DACH2: variants seen among roughly 807,000 people sequenced by gnomAD.
DACH2 encodes the protein dachshund homolog 2.
In DACH2, 17 loss-of-function variants were observed where a neutral mutation model predicts 35.8. That is an observed-to-expected ratio of 0.48 (90% CI 0.33 to 0.71). The LOEUF (loss-of-function observed/expected upper bound fraction) is 0.71. Among genes scored for constraint, DACH2 ranks in the 30% least tolerant of loss-of-function variants. The probability of loss-of-function intolerance (pLI) is 0.02; values close to 1 mark genes in which losing one functional copy is unlikely to be tolerated. For missense variants in DACH2, 469 were observed against 472.7 expected, an observed-to-expected ratio of 0.99 and a Z score of 0.07; for synonymous variants, 195 against 177.3, an observed-to-expected ratio of 1.10 and a Z score of -0.79.
At chrX:86,663,048 A>G (rs1229724917) in intron 4 of DACH2, among the ~76,000 whole-genome samples, 1 of 112,054 alleles carries the variant, frequency 8.9e-6, no homozygotes, top group Non-Finnish European at 1.9e-5. Flanking sequence ...TAAAAAATAG[A>G]ACACAATTAT....
intron 4 of DACH2, among the ~76,000 whole-genome samples, chrX:86,685,313 T>C (rs967052451): frequency 8.9e-6 from 1 of 112,086 alleles, no homozygotes; most frequent in Admixed American, 9.5e-5. Flanking sequence ...CTTTTTTTCC[T>C]CTGGATTCCT....
chrX:86,813,339 G>A, intron 9 of DACH2, 62 bp downstream of exon 9: 1 of 1,019,073 alleles, frequency 9.8e-7, no homozygotes, highest in Non-Finnish European at 1.3e-6. Flanking sequence ...CAATACTAAT[G>A]GAAATATTCT....
At chrX:86,662,225 C>G (rs1046374788) in intron 4 of DACH2, among the ~76,000 whole-genome samples, 1 of 111,333 alleles carries the variant, frequency 9.0e-6, no homozygotes, top group Admixed American at 9.6e-5. Context: ...TGGGGTAAGA[C>G]AGTTCAGATT....
At chrX:86,181,197 A>C (rs1162433651) in intron 1 of DACH2, among the ~76,000 whole-genome samples, 1 of 68,213 alleles carries the variant, frequency 1.5e-5, no homozygotes, top group Non-Finnish European at 2.9e-5. Context: ...TCTATTTTTC[A>C]AATTATACTT....
chrX:86,172,543 G>T (rs1348280606), intron 1 of DACH2, among the ~76,000 whole-genome samples: 1 of 111,974 alleles, frequency 8.9e-6, no homozygotes, highest in Non-Finnish European at 1.9e-5. Flanking sequence ...CAAGTAAAAT[G>T]AATTACCTGA....
intron 7 of DACH2, among the ~76,000 whole-genome samples, chrX:86,755,004 A>G (rs780845897): frequency 9.0e-6 from 1 of 111,721 alleles, no homozygotes; most frequent in South Asian, 3.7e-4. Context: ...AAATATCCAT[A>G]CTGTTTTCCA....
intron 4 of DACH2, among the ~76,000 whole-genome samples, chrX:86,684,218 C>G (rs1025727786): frequency 8.9e-6 from 1 of 111,809 alleles, no homozygotes; most frequent in Non-Finnish European, 1.9e-5. Context: ...ATTCTGTTGT[C>G]TAGAGACTGC....
intron 3 of DACH2, among the ~76,000 whole-genome samples, chrX:86,596,633 T>G (rs183268909): frequency 1.1e-4 from 12 of 111,752 alleles, no homozygotes; most frequent in African/African-American, 3.6e-4. Flanking sequence ...ATTTATCAGA[T>G]ACATAGTTTT....
At chrX:86,429,943 A>G (rs922261361) in intron 2 of DACH2, among the ~76,000 whole-genome samples, 2 of 112,197 alleles carry the variant, frequency 1.8e-5, no homozygotes, top group Non-Finnish European at 3.8e-5. Context: ...TACAAAGTGA[A>G]ATAACTTCTG....
At chrX:86,631,938 G>A (rs1324702219) in intron 3 of DACH2, among the ~76,000 whole-genome samples, 2 of 110,718 alleles carry the variant, frequency 1.8e-5, no homozygotes, top group African/African-American at 6.6e-5. Flanking sequence ...CTTTGTTTTA[G>A]AGCATGCATG....
intron 3 of DACH2, among the ~76,000 whole-genome samples, chrX:86,595,838 A>T (rs2039705001): frequency 9.1e-6 from 1 of 109,946 alleles, no homozygotes; most frequent in Non-Finnish European, 1.9e-5. Context: ...ACTCTCACTA[A>T]TATGTAGTTT....
intron 6 of DACH2, among the ~76,000 whole-genome samples, chrX:86,737,166 G>C (rs1378994897): frequency 8.9e-6 from 1 of 111,757 alleles, no homozygotes; most frequent in Non-Finnish European, 1.9e-5. Flanking sequence ...GGATATTGCT[G>C]TCAGTACCCA....
intron 7 of DACH2, among the ~76,000 whole-genome samples, chrX:86,741,757 C>T (rs1267758332): frequency 9.1e-6 from 1 of 110,483 alleles, no homozygotes. Context: ...AAGAAGGAGA[C>T]AAAAAGGGGA....
chrX:86,766,112 A>G (rs1045248746), intron 7 of DACH2, among the ~76,000 whole-genome samples: 56 of 110,752 alleles, frequency 5.1e-4, no homozygotes, highest in African/African-American at 1.8e-3. Context: ...CCAAGCCAAG[A>G]TGTACCCAGA....
chrX:86,453,421 C>T (rs55735099), intron 2 of DACH2, among the ~76,000 whole-genome samples: 4,096 of 111,455 alleles, frequency 0.037, 83 homozygotes, highest in East Asian at 0.22. Context: ...GTTTTAACTT[C>T]TTCCACTATT....
intron 3 of DACH2, among the ~76,000 whole-genome samples, chrX:86,556,024 T>G (rs2148316375): frequency 8.9e-6 from 1 of 111,902 alleles, no homozygotes; most frequent in South Asian, 3.7e-4. Flanking sequence ...AGCTATTTCA[T>G]CCCACAGACT....
intron 11 of DACH2, chrX:86,829,909 G>A (rs1309141301): frequency 9.0e-6 from 1 of 111,572 alleles, no homozygotes; most frequent in Non-Finnish European, 1.9e-5. Flanking sequence ...GAGAGACTTT[G>A]TTAGTTTCTC....
chrX:86,170,852 T>C (rs1334146885), intron 1 of DACH2, among the ~76,000 whole-genome samples: 1 of 112,352 alleles, frequency 8.9e-6, no homozygotes, highest in Admixed American at 9.4e-5. Flanking sequence ...TTCTACATTT[T>C]AGGGAGACGT....
chrX:86,319,062 A>G (rs2034968335), intron 1 of DACH2, among the ~76,000 whole-genome samples: 1 of 112,255 alleles, frequency 8.9e-6, no homozygotes, highest in Non-Finnish European at 1.9e-5. Flanking sequence ...CAGTTTGACC[A>G]TAAGGTGAGA....
Sources: gnomAD v4.1 joint callset for allele counts (sites outside exome capture counted in the v4.1 genomes callset) on GRCh38, gnomAD v4.1.1 for gene constraint, MANE v1.5 for transcripts, NCBI Gene and HGNC (gene_info 2026-07-23, HGNC 2026-07-21) for gene names.